The following GRID2 variants were observed in gnomAD, a reference collection of about 807,000 sequenced individuals.
GRID2 encodes glutamate ionotropic receptor delta type subunit 2.
A neutral mutation model predicts 114.8 loss-of-function variants in GRID2; 33 were observed. The ratio of observed to expected loss-of-function variants is 0.29; its 90% CI spans 0.22 to 0.38. GRID2 has a LOEUF of 0.38. Among genes scored for constraint, GRID2 ranks in the 10% least tolerant of loss-of-function variants. The pLI is 1.00. For missense variants in GRID2, 1,184 were observed against 1,257.7 expected, an observed-to-expected ratio of 0.94 and a Z score of 0.89; for synonymous variants, 505 against 449.9, an observed-to-expected ratio of 1.12 and a Z score of -1.55.
chr4:93,676,169 T>C (rs1319892444), intron 14 of GRID2, among the ~76,000 whole-genome samples: 1 of 152,238 alleles, frequency 6.6e-6, no homozygotes, highest in Admixed American at 6.5e-5. Context: ...ACTTGTGGCA[T>C]GAAAATAGTT....
chr4:93,001,954 T>TG (rs1333157967), intron 2 of GRID2, among the ~76,000 whole-genome samples: 21 of 151,688 alleles, frequency 1.4e-4, no homozygotes, highest in African/African-American at 5.1e-4. Context: ...ATTTTTCAAT[T>TG]TTTTTTCAAG....
intron 1 of GRID2, among the ~76,000 whole-genome samples, chr4:92,392,043 A>G (rs2110261959): frequency 6.6e-6 from 1 of 152,264 alleles, no homozygotes; most frequent in East Asian, 1.9e-4. Context: ...AAACTTTATT[A>G]TGTTTTATGA....
rs548619878 is a variant in GRID2 at position 93,796,071 on chromosome 4, C to T, written c.222-10644C>T. Among the ~76,000 whole-genome samples, 37 of 152,236 alleles carry T rather than the reference C, an allele frequency of 2.4e-4. No individual in the cohort carries two copies. In the South Asian group the frequency reaches 7.2e-3, roughly 30 times the overall value. On this transcript the variant is annotated intron_variant, in intron 1 of 1. Coordinates refer to the GRID2 transcript ENST00000637838. ...TCTCTTACTGGCTATTGACCTGAGG[C>T]CCACTCAGCTCTTAAGGTTGCCCAC...
chr4:93,750,894 T>C (rs1183183731), intron 14 of GRID2, among the ~76,000 whole-genome samples: 2 of 152,230 alleles, frequency 1.3e-5, no homozygotes, highest in African/African-American at 4.8e-5. Flanking sequence ...GGATGAAATA[T>C]TATCTTCTGC....
chr4:92,946,295 CTTAT>C (rs1362512859), intron 2 of GRID2, among the ~76,000 whole-genome samples: 1 of 151,976 alleles, frequency 6.6e-6, no homozygotes, highest in East Asian at 1.9e-4. Flanking sequence ...ATATTTTGTG[CTTAT>C]TTGACTATTC....
intron 3 of GRID2, among the ~76,000 whole-genome samples, chr4:93,098,222 A>T (rs1281537992): frequency 6.6e-6 from 1 of 151,836 alleles, no homozygotes; most frequent in African/African-American, 2.4e-5. Context: ...TTTTACCTTC[A>T]TTGTGTTAAT....
intron 9 of GRID2, among the ~76,000 whole-genome samples, chr4:93,420,908 C>A (rs2149365614): frequency 6.6e-6 from 1 of 152,216 alleles, no homozygotes; most frequent in African/African-American, 2.4e-5. Flanking sequence ...CGCCTGCCAC[C>A]ACACCCAGCT....
In GRID2 at chr4:93,185,972, C is replaced by G. The variant is rs567636485; in HGVS notation, c.736-21432C>G. Among the ~76,000 whole-genome samples the G allele has an allele frequency of 4.4e-3, 664 of 152,232 alleles. 7 individuals carry two copies. The highest frequency in any genetic ancestry group is 0.015 in the African/African-American group (634 of 41,538). ...CCAAGTGTTCTCATTGTTGAATTCC[C>G]ACCTATGAGTGAGAACATGCGGTGT... is the stretch of plus-strand genomic sequence containing the variant. On this transcript the variant is annotated intron_variant, in intron 4 of 15. Coordinates refer to ENST00000282020, the MANE Select transcript of GRID2 (RefSeq NM_001510.4).
intron 9 of GRID2, among the ~76,000 whole-genome samples, chr4:93,419,758 G>A (rs563162713): frequency 6.6e-6 from 1 of 152,138 alleles, no homozygotes; most frequent in African/African-American, 2.4e-5. Flanking sequence ...CAAGGGATCT[G>A]TTTGCCTAGA....
intron 8 of GRID2, among the ~76,000 whole-genome samples, chr4:93,290,872 C>CCT (rs770889427): frequency 2.3e-5 from 2 of 88,530 alleles, no homozygotes; most frequent in Non-Finnish European, 4.1e-5. Flanking sequence ...ATACAAGTTA[C>CCT]TTTTTTTTTT....
intron 2 of GRID2, among the ~76,000 whole-genome samples, chr4:93,075,635 C>T (rs999750950): frequency 1.6e-4 from 25 of 152,002 alleles, no homozygotes; most frequent in Admixed American, 3.9e-4. Context: ...GAGATTAATA[C>T]ACAAAATCTT....
chr4:92,580,114 G>A (rs1728108220), intron 1 of GRID2, among the ~76,000 whole-genome samples: 1 of 150,194 alleles, frequency 6.7e-6, no homozygotes, highest in Non-Finnish European at 1.5e-5. Flanking sequence ...TAAATACCTA[G>A]AAAATTTGCC....
intron 2 of GRID2, among the ~76,000 whole-genome samples, chr4:92,926,618 C>A (rs1213924755): frequency 5.3e-5 from 8 of 151,810 alleles, no homozygotes; most frequent in Non-Finnish European, 2.9e-5. Flanking sequence ...TATTTGCAAG[C>A]CTTTTGGTAA....
chr4:92,703,540 C>A (rs1253991880), intron 2 of GRID2, among the ~76,000 whole-genome samples: 1 of 151,038 alleles, frequency 6.6e-6, no homozygotes, highest in Non-Finnish European at 1.5e-5. Context: ...AATAGCACTT[C>A]TGCATTTATT....
At chr4:93,712,926 T>A (rs1461792771) in intron 14 of GRID2, among the ~76,000 whole-genome samples, 3 of 152,140 alleles carry the variant, frequency 2.0e-5, no homozygotes, top group Admixed American at 6.5e-5. Flanking sequence ...ACAATAGGTA[T>A]CCAGTATGCA....
At chr4:93,767,021 G>C (rs1432523526) in intron 14 of GRID2, among the ~76,000 whole-genome samples, 1 of 152,112 alleles carries the variant, frequency 6.6e-6, no homozygotes, top group African/African-American at 2.4e-5. Context: ...TTACATCTTT[G>C]TGTGTTGCCT....
At chr4:93,031,572 T>C (rs1461418943) in intron 2 of GRID2, among the ~76,000 whole-genome samples, 1 of 152,038 alleles carries the variant, frequency 6.6e-6, no homozygotes, top group African/African-American at 2.4e-5. Flanking sequence ...GGTCTTTCTC[T>C]TCCTGTTCTT....
chr4:92,506,439 A>G (rs1345783117), intron 1 of GRID2, among the ~76,000 whole-genome samples: 2 of 151,960 alleles, frequency 1.3e-5, no homozygotes, highest in African/African-American at 4.8e-5. Context: ...GAAAGAGGGA[A>G]GCTGTTTTTA....
intron 4 of GRID2, among the ~76,000 whole-genome samples, chr4:93,138,224 C>T (rs1195484797): frequency 6.6e-6 from 1 of 151,998 alleles, no homozygotes; most frequent in Non-Finnish European, 1.5e-5. Context: ...ATCCACCTGT[C>T]TCGGCCTCCC....
Sources: gnomAD v4.1 joint callset for allele counts (sites outside exome capture counted in the v4.1 genomes callset) on GRCh38, gnomAD v4.1.1 for gene constraint, MANE v1.5 for transcripts, NCBI Gene and HGNC (gene_info 2026-07-23, HGNC 2026-07-21) for gene names.